Variants in GPC5 observed in about 807,000 individuals in gnomAD.
The protein encoded by GPC5 is glypican-5.
GPC5 carries 47 observed loss-of-function variants against 53.9 expected under a neutral mutation model. The ratio of observed to expected loss-of-function variants is 0.87; its 90% CI spans 0.69 to 1.11. The LOEUF is 1.11. Among genes scored for constraint, GPC5 ranks in the 50% most tolerant of loss-of-function variants. The probability of loss-of-function intolerance (pLI) is 0.00; values close to 1 mark genes in which losing one functional copy is unlikely to be tolerated. For missense variants in GPC5, 748 were observed against 713.1 expected (o/e 1.05, Z -0.56); for synonymous variants, 286 against 263.3 (o/e 1.09, Z -0.84).
intron 7 of GPC5, among the ~76,000 whole-genome samples, chr13:92,374,804 G>A (rs2139298757): frequency 7.0e-6 from 1 of 143,712 alleles, no homozygotes; most frequent in East Asian, 2.0e-4. Flanking sequence ...GTATACATAT[G>A]TAACTAACCT....
intron 6 of GPC5, among the ~76,000 whole-genome samples, chr13:92,037,985 C>T (rs752479758): frequency 4.6e-5 from 7 of 151,912 alleles, no homozygotes; most frequent in South Asian, 2.1e-4. Flanking sequence ...TAATGGTGAC[C>T]GTGATAAGGG....
chr13:91,634,068 C>T (rs2038953), intron 2 of GPC5, among the ~76,000 whole-genome samples: 129,079 of 152,096 alleles, frequency 0.85, 54,837 homozygotes, highest in East Asian at 0.99. Flanking sequence ...GTCAAGCTTG[C>T]GTAGGGAATG....
At chr13:92,044,647 C>T (rs1392843661) in intron 6 of GPC5, among the ~76,000 whole-genome samples, 1 of 152,162 alleles carries the variant, frequency 6.6e-6, no homozygotes, top group Non-Finnish European at 1.5e-5. Flanking sequence ...TCTGGCATGC[C>T]AGAAAGCTGT....
intron 6 of GPC5, among the ~76,000 whole-genome samples, chr13:92,104,020 C>T (rs1013710706): frequency 2.0e-5 from 3 of 152,038 alleles, no homozygotes; most frequent in Admixed American, 2.0e-4. Context: ...ACCATGATTA[C>T]TGATTGTTTT....
chr13:92,174,547 AAAAC>A (rs559238014), intron 7 of GPC5, among the ~76,000 whole-genome samples: 4,792 of 151,108 alleles, frequency 0.032, 174 homozygotes, highest in African/African-American at 0.078. Context: ...AGAAAAAAAA[AAAAC>A]AAAAACAACA....
intron 7 of GPC5, among the ~76,000 whole-genome samples, chr13:92,533,225 C>T (rs1040872395): frequency 3.3e-5 from 5 of 152,060 alleles, no homozygotes; most frequent in Admixed American, 6.6e-5. Flanking sequence ...AATACATGTA[C>T]AAATGTAAAC....
chr13:92,609,615 T>A (rs1385518680), intron 7 of GPC5, among the ~76,000 whole-genome samples: 6 of 152,216 alleles, frequency 3.9e-5, no homozygotes, highest in Non-Finnish European at 5.9e-5. Flanking sequence ...TGACCAGCTT[T>A]CATGCATGAA....
At chr13:92,377,530 T>C (rs184910050) in intron 7 of GPC5, among the ~76,000 whole-genome samples, 1 of 152,298 alleles carries the variant, frequency 6.6e-6, no homozygotes, top group African/African-American at 2.4e-5. Context: ...CAGCTTGGAA[T>C]GCATCGAGCA....
intron 5 of GPC5, among the ~76,000 whole-genome samples, chr13:91,891,523 A>G (rs2039386541): frequency 6.6e-6 from 1 of 152,152 alleles, no homozygotes; most frequent in South Asian, 2.1e-4. Flanking sequence ...GCCACAAAAA[A>G]TGACAAATGC....
intron 7 of GPC5, among the ~76,000 whole-genome samples, chr13:92,709,326 T>C (rs1235802662): frequency 2.0e-5 from 3 of 151,896 alleles, no homozygotes; most frequent in African/African-American, 7.3e-5. Context: ...CTCAAAGTCC[T>C]GGAAGTACAG....
chr13:92,547,928 C>T (rs2139011567), intron 7 of GPC5, among the ~76,000 whole-genome samples: 1 of 145,600 alleles, frequency 6.9e-6, no homozygotes, highest in South Asian at 2.2e-4. Flanking sequence ...CTCCCGGGTT[C>T]ACACCATTCT....
intron 1 of GPC5, among the ~76,000 whole-genome samples, chr13:91,433,964 T>C (rs927417348): frequency 9.2e-5 from 14 of 152,238 alleles, no homozygotes; most frequent in African/African-American, 3.4e-4. Flanking sequence ...ATGGTGAGCA[T>C]TTTTTCACGT....
intron 7 of GPC5, among the ~76,000 whole-genome samples, chr13:92,258,783 T>C (rs1449299248): frequency 6.6e-6 from 1 of 152,100 alleles, no homozygotes; most frequent in African/African-American, 2.4e-5. Context: ...TTTTTATCCA[T>C]TAAATTGATG....
At chr13:92,439,756 C>A (rs933118303) in intron 7 of GPC5, among the ~76,000 whole-genome samples, 1 of 151,976 alleles carries the variant, frequency 6.6e-6, no homozygotes, top group Non-Finnish European at 1.5e-5. Flanking sequence ...TCAAAATTAC[C>A]AGCTATGGCC....
chr13:91,687,050 A>C (rs1191834366), intron 2 of GPC5, among the ~76,000 whole-genome samples: 1 of 152,012 alleles, frequency 6.6e-6, no homozygotes, highest in Non-Finnish European at 1.5e-5. Flanking sequence ...CAAAATTTTT[A>C]AGTTAAAACA....
intron 6 of GPC5, among the ~76,000 whole-genome samples, chr13:91,987,860 T>G (rs1282988744): frequency 6.9e-6 from 1 of 145,618 alleles, no homozygotes; most frequent in Non-Finnish European, 1.5e-5. Context: ...ATTATATATA[T>G]TATTTTATAT....
intron 2 of GPC5, among the ~76,000 whole-genome samples, chr13:91,659,642 A>C (rs539797829): frequency 6.6e-6 from 1 of 152,322 alleles, no homozygotes; most frequent in Non-Finnish European, 1.5e-5. Flanking sequence ...TCTAAGTAGA[A>C]ATTTATACTT....
intron 7 of GPC5, among the ~76,000 whole-genome samples, chr13:92,223,197 AT>A (rs1389766819): frequency 1.1e-4 from 17 of 152,290 alleles, no homozygotes; most frequent in African/African-American, 4.1e-4. Flanking sequence ...CCTCAAAGCA[AT>A]TCTGTTTTAT....
chr13:92,795,630 T>C (rs2138780707), intron 7 of GPC5, among the ~76,000 whole-genome samples: 1 of 152,214 alleles, frequency 6.6e-6, no homozygotes, highest in South Asian at 2.1e-4. Context: ...AATATACTCA[T>C]CTGACAAAGA....
Sources: gnomAD v4.1 joint callset for allele counts (sites outside exome capture counted in the v4.1 genomes callset) on GRCh38, gnomAD v4.1.1 for gene constraint, MANE v1.5 for transcripts, NCBI Gene and HGNC (gene_info 2026-07-23, HGNC 2026-07-21) for gene names.